The following NIF3L1 variants were observed in gnomAD, a reference collection of about 807,000 sequenced individuals.
NIF3L1 encodes the protein NIF3-like protein 1.
NIF3L1 carries 26 observed loss-of-function variants against 35.0 expected under a neutral mutation model. The ratio of observed to expected loss-of-function variants is 0.74; its 90% CI spans 0.54 to 1.03. The LOEUF (loss-of-function observed/expected upper bound fraction) is 1.03, where lower values mean the gene tolerates loss of function less well. NIF3L1 is among the 50% of genes least tolerant of loss of function. The pLI is 0.00. For missense variants in NIF3L1, 449 were observed against 466.3 expected (o/e 0.96, Z 0.34); for synonymous variants, 157 against 178.9 (o/e 0.88, Z 0.98).
chr2:200,891,239 C>T (rs750706415), intron 1 of NIF3L1, among the ~76,000 whole-genome samples: 6 of 152,092 alleles, frequency 3.9e-5, no homozygotes, highest in Admixed American at 6.6e-5. Context: ...ACAGGCGCCC[C>T]GCCACATTAT....
At chr2:200,894,164 ACT>A (rs147971142) in intron 3 of NIF3L1, among the ~76,000 whole-genome samples, 4,016 of 141,394 alleles carry the variant, frequency 0.028, 196 homozygotes, top group African/African-American at 0.1. Context: ...ACAGAGAGAG[ACT>A]CTGTCTCAAA....
At chr2:200,894,561 C>A (rs1296176085) in intron 3 of NIF3L1, among the ~76,000 whole-genome samples, 1 of 151,764 alleles carries the variant, frequency 6.6e-6, no homozygotes, top group Non-Finnish European at 1.5e-5. Flanking sequence ...CCCCCCACCA[C>A]GCCCGGCTAA....
intron 5 of NIF3L1, among the ~76,000 whole-genome samples, chr2:200,898,795 A>T (rs978877664): frequency 6.6e-6 from 1 of 152,224 alleles, no homozygotes; most frequent in Non-Finnish European, 1.5e-5. Context: ...TAGTATATTT[A>T]AAAATAGTGC....
At position 200,893,945 on chromosome 2, in the gene NIF3L1, C is replaced by G. The variant is rs376608812; in HGVS notation, c.599+537C>G. Among the ~76,000 whole-genome samples the G allele has an allele frequency of 8.5e-5, 13 of 152,232 alleles. No homozygotes were observed. The East Asian group carries it at 1.9e-3, about 23-fold the overall frequency. ...ATCCCAGCACTTTGGGAGGCCAAGG[C>G]TGGTGGATCACCTGAGGTCAGGAGT... On this transcript the variant is annotated intron_variant, in intron 3 of 6. Coordinates refer to ENST00000409020, the MANE Select transcript of NIF3L1 (RefSeq NM_001369441.2).
Position 200,903,661 on chromosome 2 carries a change from C to A in NIF3L1, c.1117C>A (p.Pro373Thr), listed in dbSNP as rs1350717910. 6.2e-7 allele frequency: 1 copy of A among 1,612,344 alleles called. No individual in the cohort carries two copies. Among genetic ancestry groups the A allele is most frequent in the Non-Finnish European group, 8.5e-7 (1 of 1,178,682 alleles). Residue 373 changes from proline (P) to threonine (T), a missense_variant, in exon 7 of 7, where the codon CCT becomes ACT. Transcript: ENST00000409020. Reference sequence around the variant, plus strand: ...TATCCTATCAGAGACTGACAGGGACCCTCTTCAGGTGGTATAATTGCAGAA... The same window carrying A: ...TATCCTATCAGAGACTGACAGGGACACTCTTCAGGTGGTATAATTGCAGAA... ...NIILSETDRD[P>T]LQVV
At chr2:200,897,011 G>C (rs892014194) in intron 4 of NIF3L1, 65 bp from the exon 5 acceptor site, 1 of 1,515,106 alleles carries the variant, frequency 6.6e-7, no homozygotes, top group Non-Finnish European at 9.1e-7. Context: ...GCATGTTGAT[G>C]ATTTTAGCAT....
At chr2:200,896,909 T>A (rs1158120366) in intron 4 of NIF3L1, among the ~76,000 whole-genome samples, 167 bp from the exon 5 acceptor site, 1 of 152,204 alleles carries the variant, frequency 6.6e-6, no homozygotes, top group Admixed American at 6.5e-5. Flanking sequence ...ACATCTGCCT[T>A]CCTAGAAAAC....
chr2:200,896,067 T>G (rs986720318), intron 4 of NIF3L1, among the ~76,000 whole-genome samples: 4 of 151,908 alleles, frequency 2.6e-5, no homozygotes, highest in African/African-American at 9.7e-5. Context: ...CAGGCCCTGC[T>G]GAGTCTGGCC....
intron 6 of NIF3L1, among the ~76,000 whole-genome samples, chr2:200,902,572 A>C (rs1281563235): frequency 7.5e-6 from 1 of 133,168 alleles, no homozygotes. Context: ...CATCTAAAAA[A>C]AAATTAACAA....
Position 200,899,332 on chromosome 2 carries a change from T to C in NIF3L1, c.866-53T>C, listed in dbSNP as rs1273330424. The C allele has an allele frequency of 3.7e-6, 5 of 1,364,054 alleles. No individual in the cohort carries two copies. The East Asian group carries it at 9.2e-5, about 25-fold the overall frequency. The allele number at this position is 1,364,054 out of a possible 1,614,324, so 84.5% of individuals were successfully genotyped here. A position where few individuals can be genotyped will look rare whatever the true frequency, so the allele number is the denominator to read the frequency against. On this transcript the variant is annotated intron_variant, in intron 5 of 6. Transcript: ENST00000409020. Reference sequence around the variant, plus strand: ...GGATTCTTGGTACAAATTATAATAGTAAAATGAAAGGGAATTGTAAAGTAT... The same window carrying C: ...GGATTCTTGGTACAAATTATAATAGCAAAATGAAAGGGAATTGTAAAGTAT...
chr2:200,903,349 A>G (rs1445360914), intron 6 of NIF3L1, 145 bp from the exon 7 acceptor site: 56 of 686,482 alleles, frequency 8.2e-5, no homozygotes, highest in Non-Finnish European at 5.0e-5. Flanking sequence ...ACTGTACACT[A>G]CTTTCTAGAT....
chr2:200,895,978 C>CT (rs112961248), intron 4 of NIF3L1, among the ~76,000 whole-genome samples: 34,685 of 145,720 alleles, frequency 0.24, 4,930 homozygotes, highest in African/African-American at 0.4. Context: ...GCCACCCCCG[C>CT]TTTTTTTTTT....
At position 200,891,941 on chromosome 2, in the gene NIF3L1, T is replaced by C; in HGVS notation, c.-3T>C. 2.5e-6 allele frequency: 4 copies of C among 1,592,232 alleles called. No homozygotes were observed. The highest frequency in any genetic ancestry group is 3.4e-6 in the Non-Finnish European group (4 of 1,167,368). On this transcript the variant is annotated 5_prime_UTR_variant, in exon 2 of 7. Transcript: ENST00000409020. The stretch of plus-strand genomic sequence containing the variant: ...AGAAACTTGAACTTTACCTGATTTC[T>C]GTATGTTGTCATCTTGCGTACGCCC...
At chr2:200,899,592 A>G in intron 6 of NIF3L1, 124 bp downstream of exon 6, 1 of 629,618 alleles carries the variant, frequency 1.6e-6, no homozygotes, top group East Asian at 2.8e-5. Context: ...ACTAAACAGA[A>G]ACTACAACAG....
chr2:200,897,518 A>C (rs946578338), intron 5 of NIF3L1, among the ~76,000 whole-genome samples: 1 of 152,102 alleles, frequency 6.6e-6, no homozygotes, highest in African/African-American at 2.4e-5. Context: ...TTAAACCATC[A>C]GTTTAAAATT....
At chr2:200,896,496 C>G (rs750818809) in intron 4 of NIF3L1, among the ~76,000 whole-genome samples, 1 of 152,168 alleles carries the variant, frequency 6.6e-6, no homozygotes, top group African/African-American at 2.4e-5. Context: ...CCTCCAAGTA[C>G]TCCCCAAGCC....
chr2:200,895,618 A>G (rs1180382040), intron 4 of NIF3L1, among the ~76,000 whole-genome samples: 5 of 152,200 alleles, frequency 3.3e-5, no homozygotes, highest in Admixed American at 3.3e-4. Flanking sequence ...CAGGCCATTC[A>G]CTGTTATCTA....
At chr2:200,893,153 T>G (rs1293546011) in intron 2 of NIF3L1, 93 bp from the exon 3 acceptor site, 1 of 957,634 alleles carries the variant, frequency 1.0e-6, no homozygotes, top group Non-Finnish European at 1.5e-6. Flanking sequence ...TTTTAAAAAG[T>G]CATTTCTTAG....
chr2:200,901,477 A>G (rs1325514015), intron 6 of NIF3L1, among the ~76,000 whole-genome samples: 2 of 152,190 alleles, frequency 1.3e-5, no homozygotes, highest in Non-Finnish European at 2.9e-5. Context: ...TGTCCTTCCT[A>G]TCTGGCTGTG....
Sources: gnomAD v4.1 joint callset for allele counts (sites outside exome capture counted in the v4.1 genomes callset) on GRCh38, gnomAD v4.1.1 for gene constraint, MANE v1.5 for transcripts, NCBI Gene and HGNC (gene_info 2026-07-23, HGNC 2026-07-21) for gene names.